Variants in HMGCS2 observed in about 807,000 individuals in gnomAD.
HMGCS2 encodes hydroxymethylglutaryl-CoA synthase, mitochondrial.
In HMGCS2, 50 loss-of-function variants were observed where a neutral mutation model predicts 57.4. The observed-to-expected ratio is 0.87, with a 90% confidence interval of 0.69 to 1.10. The LOEUF (loss-of-function observed/expected upper bound fraction) is 1.10. Ranked by LOEUF, HMGCS2 falls within the 50% of genes least tolerant of loss-of-function variation. HMGCS2 has a pLI of 0.00. For synonymous variants in HMGCS2, 254 were observed against 245.1 expected (o/e 1.04, Z -0.34); for missense variants, 627 against 636.5 (o/e 0.99, Z 0.16).
At chr1:119,762,348 G>C (rs2101268870) in intron 2 of HMGCS2, among the ~76,000 whole-genome samples, 1 of 134,900 alleles carries the variant, frequency 7.4e-6, no homozygotes, top group Admixed American at 7.4e-5. Context: ...GTTAAATTTT[G>C]GGAAGTGGTA....
chr1:119,759,166 G>C lies in HMGCS2; in HGVS notation c.802C>G (p.Arg268Gly). Residue 268 changes from arginine to glycine, a missense_variant, in exon 4 of 10, where the codon CGA (arginine) becomes GGA (glycine). Coordinates refer to ENST00000369406, the MANE Select transcript of HMGCS2 (RefSeq NM_005518.4). ...TTTTTACGGTATGATGTGTAACATC[G>C]ATCCAAGGCCCGCAAGTAGCACTGG... is the stretch of plus-strand genomic sequence containing the variant. ...SIQCYLRALDRCYTSYRKKIQ... is the reference protein window; with the variant it reads ...SIQCYLRALDGCYTSYRKKIQ... 6.2e-7 allele frequency: 1 copy of C among 1,614,032 alleles called. No individual in the cohort carries two copies. The highest frequency in any genetic ancestry group is 8.5e-7 in the Non-Finnish European group (1 of 1,180,002).
chr1:119,756,704 G>A (rs1014252165), intron 5 of HMGCS2, among the ~76,000 whole-genome samples: 1 of 152,122 alleles, frequency 6.6e-6, no homozygotes, highest in African/African-American at 2.4e-5. Flanking sequence ...GGATGAGCTG[G>A]AACATCCCCA....
intron 6 of HMGCS2, among the ~76,000 whole-genome samples, chr1:119,753,913 T>C (rs1652746360): frequency 6.6e-6 from 1 of 151,928 alleles, no homozygotes; most frequent in African/African-American, 2.4e-5. Context: ...TCTTGCTCTG[T>C]TGCCCAGCCT....
At position 119,759,138 on chromosome 1, in the gene HMGCS2, A is replaced by AT. The variant is rs1557991740; in HGVS notation, c.829dup (p.Ile277AsnfsTer17). 3 of 1,614,064 alleles carry AT rather than the reference A, an allele frequency of 1.9e-6. No homozygotes were observed. The highest frequency in any genetic ancestry group is 1.7e-6 in the Non-Finnish European group (2 of 1,180,004). On this transcript the variant is annotated frameshift_variant, in exon 4 of 10. Transcript: ENST00000369406. LOFTEE classifies it high-confidence loss of function. The stretch of plus-strand genomic sequence containing the variant: ...CATACCTTGCTTCCACTGATTCTGG[A>AT]TTTTTTTACGGTATGATGTGTAACA...
chr1:119,759,227 G>A lies in HMGCS2; in HGVS notation c.741C>T (p.Ala247=), dbSNP rs1652954332. ...NVYDFYKPNL[A]SEYPIVDGKL... ...TCCCATCCACTATTGGGTACTCCGA[G>A]GCCAAATTTGGTTTGTAGAAGTCAT... Residue 247 remains alanine (A), a synonymous_variant, in exon 4 of 10, where the codon GCC becomes GCT. Coordinates refer to ENST00000369406, the MANE Select transcript of HMGCS2 (RefSeq NM_005518.4). The A allele has an allele frequency of 6.2e-7, 1 of 1,614,030 alleles. No homozygotes were observed. The highest frequency in any genetic ancestry group is 1.3e-5 in the African/African-American group (1 of 75,008).
In HMGCS2 at chr1:119,759,751, A is replaced by G. The variant is rs1449526915; in HGVS notation, c.685+113T>C. The G allele has an allele frequency of 3.0e-6, 4 of 1,318,600 alleles. No homozygotes were observed. In the East Asian group the frequency reaches 7.0e-5, roughly 23 times the overall value. The allele number at this position is 1,318,600 out of a possible 1,614,324, so 81.7% of individuals were successfully genotyped here. A position where few individuals can be genotyped will look rare whatever the true frequency, so the allele number is the denominator to read the frequency against. Reference sequence around the variant, plus strand: ...CCAGCCCTTTTTAGAGGCAAGCAATACCATCCTCAAACGCATACCTCAGCC... The same window carrying G: ...CCAGCCCTTTTTAGAGGCAAGCAATGCCATCCTCAAACGCATACCTCAGCC... On this transcript the variant is annotated intron_variant, in intron 3 of 9. Coordinates refer to ENST00000369406, the MANE Select transcript of HMGCS2 (RefSeq NM_005518.4).
intron 8 of HMGCS2, among the ~76,000 whole-genome samples, chr1:119,752,296 T>C (rs1652685999): frequency 2.0e-5 from 3 of 152,228 alleles, no homozygotes; most frequent in African/African-American, 4.8e-5. Context: ...TCCATGGGAC[T>C]ACACATTCTG....
intron 6 of HMGCS2, 87 bp from the exon 7 acceptor site, chr1:119,753,473 G>A (rs998270882): frequency 2.7e-6 from 2 of 752,164 alleles, no homozygotes; most frequent in Non-Finnish European, 4.7e-6. Flanking sequence ...ATTATATTCT[G>A]CACTTCAAAT....
chr1:119,750,916 A>G lies in HMGCS2; in HGVS notation c.1421-8T>C, dbSNP rs1347089492. 2.6e-6 allele frequency: 4 copies of G among 1,533,100 alleles called. No homozygotes were observed. The highest frequency in any genetic ancestry group is 3.6e-6 in the Non-Finnish European group (4 of 1,106,548). The allele number at this position is 1,533,100 out of a possible 1,614,324, so 95.0% of individuals were successfully genotyped here. ...CAGGTGGGGAGAAATTCACTGTGGA[A>G]TGAGGAGAAGAGGCAGTACTCACAA... On this transcript the variant is annotated splice_polypyrimidine_tract_variant and splice_region_variant and intron_variant, in intron 8 of 9. Coordinates refer to ENST00000369406, the MANE Select transcript of HMGCS2 (RefSeq NM_005518.4).
In HMGCS2 at chr1:119,752,645, T is replaced by C. The variant is rs1256038787; in HGVS notation, c.1324A>G (p.Thr442Ala). Residue 442 changes from threonine to alanine, a missense_variant, in exon 8 of 10, where the codon ACA becomes GCA. Coordinates refer to ENST00000369406, the MANE Select transcript of HMGCS2 (RefSeq NM_005518.4). ...GSPLDKLVSS[T>A]SDLPKRLASR... ...GCTAGGCGTTTTGGCAGGTCTGATG[T>C]GCTGGACACCAACTTGTCCAGGGGA... The C allele has an allele frequency of 6.2e-7, 1 of 1,614,004 alleles. No homozygotes were observed. The highest frequency in any genetic ancestry group is 8.5e-7 in the Non-Finnish European group (1 of 1,179,982).
chr1:119,761,513 C>A lies in HMGCS2; in HGVS notation c.560-1524G>T, dbSNP rs1015326135. Reference sequence around the variant, plus strand: ...GGGCACGGTGGCTCACGCCTGTAATCCCAGCGATTGGGGAGGCCGAGGCAG... The same window carrying A: ...GGGCACGGTGGCTCACGCCTGTAATACCAGCGATTGGGGAGGCCGAGGCAG... On this transcript the variant is annotated intron_variant, in intron 2 of 9. Transcript: ENST00000369406. Among the ~76,000 whole-genome samples the A allele has an allele frequency of 1.7e-4, 26 of 152,032 alleles. 1 individual carries two copies. Among genetic ancestry groups the A allele is most frequent in the African/African-American group, 6.3e-4 (26 of 41,400 alleles).
intron 9 of HMGCS2, among the ~76,000 whole-genome samples, chr1:119,749,658 G>A (rs587701118): frequency 1.4e-4 from 21 of 152,142 alleles, no homozygotes; most frequent in African/African-American, 4.8e-4. Context: ...ATATCCCAGC[G>A]GTAAGGAATG....
chr1:119,766,183 C>T (rs1231612336), intron 1 of HMGCS2, among the ~76,000 whole-genome samples: 1 of 152,194 alleles, frequency 6.6e-6, no homozygotes, highest in Non-Finnish European at 1.5e-5. Flanking sequence ...CTCTGTACTG[C>T]TCCCATACAA....
At chr1:119,753,077 T>G (rs1214754556) in intron 7 of HMGCS2, among the ~76,000 whole-genome samples, 1 of 152,194 alleles carries the variant, frequency 6.6e-6, no homozygotes, top group Non-Finnish European at 1.5e-5. Context: ...TTCAATCTAG[T>G]CTCTAAGTAG....
chr1:119,759,519 G>C, intron 3 of HMGCS2: 1 of 589,760 alleles, frequency 1.7e-6, no homozygotes, highest in South Asian at 2.0e-5. Flanking sequence ...ACCTAGAATA[G>C]AAGCCAACAG....
chr1:119,762,073 T>C (rs1653063594), intron 2 of HMGCS2, among the ~76,000 whole-genome samples: 1 of 152,204 alleles, frequency 6.6e-6, no homozygotes, highest in African/African-American at 2.4e-5. Flanking sequence ...AAAGCTATTG[T>C]ACAATGTTCA....
intron 5 of HMGCS2, 32 bp from the exon 6 acceptor site, chr1:119,755,629 G>A (rs775159551): frequency 1.9e-6 from 3 of 1,611,424 alleles, no homozygotes; most frequent in African/African-American, 2.7e-5. Flanking sequence ...CCATGTGAGA[G>A]GCCAGGGGAC....
chr1:119,750,971 T>G (rs1183025471), intron 8 of HMGCS2, 63 bp from the exon 9 acceptor site: 9 of 1,020,770 alleles, frequency 8.8e-6, no homozygotes, highest in Non-Finnish European at 1.4e-5. Context: ...GAAGAGAAAA[T>G]AGTAATGAAG....
At chr1:119,754,307 T>C (rs1652764150) in intron 6 of HMGCS2, among the ~76,000 whole-genome samples, 1 of 152,154 alleles carries the variant, frequency 6.6e-6, no homozygotes, top group African/African-American at 2.4e-5. Flanking sequence ...TCTTCCCACC[T>C]TGGCCTCCCA....
Sources: gnomAD v4.1 joint callset for allele counts (sites outside exome capture counted in the v4.1 genomes callset) on GRCh38, gnomAD v4.1.1 for gene constraint, MANE v1.5 for transcripts, NCBI Gene and HGNC (gene_info 2026-07-23, HGNC 2026-07-21) for gene names.